GATA4: variants seen among roughly 807,000 people sequenced by gnomAD.
The protein encoded by GATA4 is GATA binding protein 4, also known as transcription factor GATA-4.
A neutral mutation model predicts 37.9 loss-of-function variants in GATA4; 7 were observed. The observed-to-expected ratio is 0.18, with a 90% CI of 0.11 to 0.35. GATA4 has a LOEUF of 0.35. Among genes scored for constraint, GATA4 ranks in the 10% least tolerant of loss-of-function variants. GATA4 has a pLI of 1.00. For synonymous variants in GATA4, 372 were observed against 292.6 expected (o/e 1.27, Z -2.77); for missense variants, 647 against 653.0 (o/e 0.99, Z 0.10).
Position 11,709,199 on chromosome 8 carries a change from A to G in GATA4, c.616+271A>G, listed in dbSNP as rs973392581. Among the ~76,000 whole-genome samples, 9 of 152,148 alleles carry G rather than the reference A, an allele frequency of 5.9e-5. No individual in the cohort carries two copies. The highest frequency in any genetic ancestry group is 2.6e-4 in the Admixed American group (4 of 15,290). On this transcript the variant is annotated intron_variant, in intron 2 of 6. Transcript: ENST00000532059. This position sits in a 1 kb window ranked among gnomAD's most constrained non-coding sequence, Gnocchi z 4.3. ...CGGAGTGCGGCCTCCCCGCCATCCCAGACATCGACCGTGGCCGCGCTGCGC... is the reference window on the plus strand; with the variant it reads ...CGGAGTGCGGCCTCCCCGCCATCCCGGACATCGACCGTGGCCGCGCTGCGC...
chr8:11,753,952 G>A (rs890418463), intron 4 of GATA4, among the ~76,000 whole-genome samples: 3 of 152,204 alleles, frequency 2.0e-5, no homozygotes, highest in African/African-American at 7.2e-5. Flanking sequence ...ACTGGCTTAG[G>A]CATCTGTGAA....
At position 11,708,437 on chromosome 8, in the gene GATA4, C is replaced by G. The variant is rs766590532; in HGVS notation, c.125C>G (p.Pro42Arg). 1 of 1,534,262 alleles carries G rather than the reference C, an allele frequency of 6.5e-7. No homozygotes were observed. Among genetic ancestry groups the G allele is most frequent in the South Asian group, 1.2e-5 (1 of 84,026 alleles). Residue 42 changes from proline (P) to arginine (R), a missense_variant, in exon 2 of 7, where the codon CCG (proline) becomes CGG (arginine). Pro to Arg is a moderately radical substitution (Grantham distance 103). Coordinates refer to ENST00000532059, the MANE Select transcript of GATA4 (RefSeq NM_001308093.3). The surrounding 1 kb of genome is among the most constrained non-coding windows in gnomAD (Gnocchi z 6.7). ...AASSPVYVPT[P>R]RVPSSVLGLS... ...TCCTCGCCAGTCTACGTGCCCACAC[C>G]GCGGGTGCCCTCCTCCGTGCTGGGC... is the stretch of plus-strand genomic sequence containing the variant.
intron 4 of GATA4, among the ~76,000 whole-genome samples, chr8:11,754,693 T>C (rs73666008): frequency 0.029 from 4,490 of 152,258 alleles, 215 homozygotes; most frequent in African/African-American, 0.1. Flanking sequence ...TTCCCACTCC[T>C]CACCCCAGGA....
chr8:11,755,086 C>G lies in GATA4; in HGVS notation c.953C>G (p.Thr318Ser). ...PLAMRKEGIQ[T>S]RKRKPKNLNK... ...GCAATGCGGAAAGAGGGGATCCAAA[C>G]CAGAAAACGGAAGCCCAAGAACCTG... Residue 318 changes from threonine (T) to serine (S), a missense_variant, in exon 5 of 7, where the codon ACC (threonine) becomes AGC (serine). Coordinates refer to ENST00000532059, the MANE Select transcript of GATA4 (RefSeq NM_001308093.3). 6.2e-7 allele frequency: 1 copy of G among 1,614,106 alleles called. No individual in the cohort carries two copies. Among genetic ancestry groups the G allele is most frequent in the Non-Finnish European group, 8.5e-7 (1 of 1,180,002 alleles).
upstream of GATA4, among the ~76,000 whole-genome samples, chr8:11,701,246 A>G (rs1183904305): frequency 2.7e-4 from 10 of 37,146 alleles, no homozygotes; most frequent in African/African-American, 3.9e-4. Flanking sequence ...GGTTCTTAGA[A>G]AAAAAAAAAA....
At position 11,757,002 on chromosome 8, in the gene GATA4, C is replaced by T. The variant is rs775324602; in HGVS notation, c.1068C>T (p.Thr356=). 1.2e-6 allele frequency: 2 copies of T among 1,614,122 alleles called. No individual in the cohort carries two copies. The highest frequency in any genetic ancestry group is 1.7e-5 in the Admixed American group (1 of 60,012). The change falls in exon 6 of 7, where the codon ACC becomes ACT. Residue 356 remains threonine, a synonymous_variant. Transcript: ENST00000532059. The part of the protein sequence containing the change: ...GASSNSSNAT[T]SSSEEMRPIK... Reference sequence around the variant, plus strand: ...CCAGCAACTCCAGCAACGCCACCACCAGCAGCAGCGAGGAGATGCGTCCCA... The same window carrying T: ...CCAGCAACTCCAGCAACGCCACCACTAGCAGCAGCGAGGAGATGCGTCCCA...
At chr8:11,680,361 AG>A (rs1204851675) in intron 1 of GATA4, 2 of 475,012 alleles carry the variant, frequency 4.2e-6, no homozygotes, top group Non-Finnish European at 5.5e-6. Context: ...AATCTCTGCA[AG>A]TAACTAACCA....
chr8:11,681,500 G>T (rs867944042), intron 1 of GATA4: 7 of 915,878 alleles, frequency 7.6e-6, no homozygotes, highest in South Asian at 1.1e-4. Flanking sequence ...CGCGGGGGGG[G>T]GGGGGGGGAT....
chr8:11,756,949 G>C lies in GATA4; in HGVS notation c.1015G>C (p.Glu339Gln). ...SKTPAAPSGS[E>Q]SLPPASGASS... ...CTTCATTCCAGCTCCTTCAGGCAGT[G>C]AGAGCCTTCCTCCCGCCAGCGGTGC... Residue 339 changes from glutamate (E) to glutamine (Q), a missense_variant, in exon 6 of 7, where the codon GAG (glutamate) becomes CAG (glutamine). Glu to Gln is a conservative substitution (Grantham distance 29). This residue lies in a region of GATA4 where 184 missense variants were observed against 157.1 expected (regional missense o/e 1.17). Transcript: ENST00000532059. 1.2e-6 allele frequency: 2 copies of C among 1,614,234 alleles called. No homozygotes were observed. Among genetic ancestry groups the C allele is most frequent in the Non-Finnish European group, 1.7e-6 (2 of 1,180,046 alleles).
intron 2 of GATA4, among the ~76,000 whole-genome samples, chr8:11,745,084 T>C (rs184442511): frequency 3.8e-4 from 58 of 152,214 alleles, no homozygotes; most frequent in African/African-American, 1.4e-3. Context: ...TGGTGGCAAA[T>C]ACATACTTGG....
chr8:11,694,209 C>T (rs999680298), intron 1 of GATA4, among the ~76,000 whole-genome samples: 4 of 152,202 alleles, frequency 2.6e-5, no homozygotes, highest in African/African-American at 9.6e-5. Flanking sequence ...ACATAGTAAA[C>T]ATTCAATAAA....
chr8:11,686,122 G>A (rs1440730787), intron 1 of GATA4, among the ~76,000 whole-genome samples: 1 of 152,110 alleles, frequency 6.6e-6, no homozygotes, highest in Non-Finnish European at 1.5e-5. Flanking sequence ...AGAAGGGTGT[G>A]GGATGGAGCT....
At chr8:11,740,213 AGTCAGCCGTACTACCT>A (rs1299095852) in intron 2 of GATA4, among the ~76,000 whole-genome samples, 1 of 152,142 alleles carries the variant, frequency 6.6e-6, no homozygotes, top group Admixed American at 6.5e-5. Context: ...GAAGGGGGCA[AGTCAGCCGTACTACCT>A]GTCAGCCGGG....
chr8:11,732,054 C>G (rs986573159), intron 2 of GATA4, among the ~76,000 whole-genome samples: 1 of 152,188 alleles, frequency 6.6e-6, no homozygotes, highest in Non-Finnish European at 1.5e-5. Flanking sequence ...AAATGTTGTA[C>G]TACAAGCAAC....
upstream of GATA4, among the ~76,000 whole-genome samples, chr8:11,702,610 C>A (rs1007745901): frequency 2.0e-5 from 3 of 150,764 alleles, no homozygotes; most frequent in African/African-American, 7.3e-5. This position sits in a 1 kb window ranked among gnomAD's most constrained non-coding sequence, Gnocchi z 4.4. Context: ...TCCCCAGCAC[C>A]CCTTCAGCCT....
In GATA4 at chr8:11,709,130, G is replaced by T. The variant is rs1366007844; in HGVS notation, c.616+202G>T. Among the ~76,000 whole-genome samples, 1 of 152,208 alleles carries T rather than the reference G, an allele frequency of 6.6e-6. No individual in the cohort carries two copies. Among genetic ancestry groups the T allele is most frequent in the East Asian group, 1.9e-4 (1 of 5,162 alleles). On this transcript the variant is annotated intron_variant, in intron 2 of 6. Coordinates refer to ENST00000532059, the MANE Select transcript of GATA4 (RefSeq NM_001308093.3). This position sits in a 1 kb window ranked among gnomAD's most constrained non-coding sequence, Gnocchi z 4.3. ...CAGAAGACCGGCTTCTGTGGAAGGG[G>T]CCGGGCCTGCCCGCCGGGGCCTCTT...
rs930918415 is a variant in GATA4 at position 11,709,810 on chromosome 8, A to G, written c.616+882A>G. On this transcript the variant is annotated intron_variant, in intron 2 of 6. Transcript: ENST00000532059. The surrounding 1 kb of genome is among the most constrained non-coding windows in gnomAD (Gnocchi z 4.3). The stretch of plus-strand genomic sequence containing the variant: ...CTGTCTCAACCTCCACTGATTCACA[A>G]ATAAACGCAGCGGGATCTGAGAAGG... Among the ~76,000 whole-genome samples the G allele has an allele frequency of 6.6e-6, 1 of 152,112 alleles. No individual in the cohort carries two copies.
upstream of GATA4, among the ~76,000 whole-genome samples, chr8:11,702,988 C>T (rs900160562): frequency 1.3e-5 from 2 of 152,222 alleles, no homozygotes; most frequent in Non-Finnish European, 2.9e-5. The surrounding 1 kb of genome is among the most constrained non-coding windows in gnomAD (Gnocchi z 4.4). Flanking sequence ...GTCCTGGCCT[C>T]GTCCTTAACC....
intron 2 of GATA4, among the ~76,000 whole-genome samples, chr8:11,720,250 G>C (rs562818949): frequency 2.0e-5 from 3 of 151,800 alleles, no homozygotes; most frequent in Admixed American, 6.6e-5. Context: ...AGTGTCTTCC[G>C]GCATGCCCCG....
Sources: gnomAD v4.1 joint callset for allele counts (sites outside exome capture counted in the v4.1 genomes callset) on GRCh38, gnomAD v4.1.1 for gene constraint, gnomAD v4.1.1 regional missense constraint, Gnocchi (gnomAD v3.1) non-coding constraint, MANE v1.5 for transcripts, NCBI Gene and HGNC (gene_info 2026-07-23, HGNC 2026-07-21) for gene names.